FIBCD1: variants seen among roughly 807,000 people sequenced by gnomAD.
The protein encoded by FIBCD1 is fibrinogen C domain containing 1, also known as fibrinogen C domain-containing protein 1.
FIBCD1 carries 47 observed loss-of-function variants against 45.1 expected under a neutral mutation model. That is an observed-to-expected ratio of 1.04 (90% CI 0.82 to 1.33). The LOEUF (loss-of-function observed/expected upper bound fraction) is 1.33. Ranked by LOEUF, FIBCD1 falls within the 40% of genes most tolerant of loss-of-function variation. The probability of loss-of-function intolerance (pLI) is 0.00; values close to 1 mark genes in which losing one functional copy is unlikely to be tolerated. For synonymous variants in FIBCD1, 313 were observed against 308.1 expected, an observed-to-expected ratio of 1.02 and a Z score of -0.17; for missense variants, 653 against 682.2, an observed-to-expected ratio of 0.96 and a Z score of 0.48.
At chr9:130,921,743 C>G (rs1022695399) in intron 4 of FIBCD1, among the ~76,000 whole-genome samples, 3 of 152,252 alleles carry the variant, frequency 2.0e-5, no homozygotes, top group Non-Finnish European at 2.9e-5. Context: ...CCTCACTGTT[C>G]CGCCCGCCAA....
At chr9:130,910,580 G>A (rs1832019567) in intron 5 of FIBCD1, among the ~76,000 whole-genome samples, 1 of 152,272 alleles carries the variant, frequency 6.6e-6, no homozygotes, top group African/African-American at 2.4e-5. Flanking sequence ...AAGCTAGCTG[G>A]GCTCCTGAGT....
chr9:130,905,531 A>G, intron 5 of FIBCD1, 118 bp from the exon 6 acceptor site: 1 of 1,055,738 alleles, frequency 9.5e-7, no homozygotes. Flanking sequence ...GACAACCACC[A>G]AGTGCGTGCA....
In FIBCD1 at chr9:130,928,208, C is replaced by T. The variant is rs1832389109; in HGVS notation, c.552+1359G>A. On this transcript the variant is annotated intron_variant, in intron 2 of 6. Coordinates refer to ENST00000372338, the MANE Select transcript of FIBCD1 (RefSeq NM_032843.5). ...AGTAAATATGTCAGGTGAGCTGGCA[C>T]TCCTGGGCCCAGAAAGGCTGTTAGT... Among the ~76,000 whole-genome samples, 6 of 152,356 alleles carry T rather than the reference C, an allele frequency of 3.9e-5. No homozygotes were observed. In the South Asian group the frequency reaches 1.2e-3, roughly 32 times the overall value.
At chr9:130,910,624 T>C (rs555693003) in intron 5 of FIBCD1, among the ~76,000 whole-genome samples, 1 of 152,326 alleles carries the variant, frequency 6.6e-6, no homozygotes, top group South Asian at 2.1e-4. Flanking sequence ...TATGTCTAGC[T>C]CAGGGATTGT....
intron 4 of FIBCD1, among the ~76,000 whole-genome samples, chr9:130,921,668 C>T (rs1045268741): frequency 1.6e-4 from 24 of 152,348 alleles, no homozygotes; most frequent in African/African-American, 5.5e-4. Flanking sequence ...CCCGCTCCGG[C>T]GTCCTGATCT....
At chr9:130,905,205 C>T in intron 6 of FIBCD1, 29 bp downstream of exon 6, 1 of 1,597,050 alleles carries the variant, frequency 6.3e-7, no homozygotes. Context: ...CGCCCCCCTT[C>T]CCCATCCCTG....
intron 2 of FIBCD1, among the ~76,000 whole-genome samples, chr9:130,928,690 G>T (rs1443558879): frequency 1.3e-5 from 2 of 152,172 alleles, no homozygotes; most frequent in Non-Finnish European, 2.9e-5. Flanking sequence ...GCCCGTGGGG[G>T]CAGGGGCTTG....
chr9:130,918,853 TTCTC>T (rs1190936261), intron 4 of FIBCD1, among the ~76,000 whole-genome samples: 1 of 152,216 alleles, frequency 6.6e-6, no homozygotes, highest in Non-Finnish European at 1.5e-5. Flanking sequence ...CTGAGTCTGT[TTCTC>T]TCTGCATAAG....
chr9:130,904,758 A>G (rs1268179011), intron 6 of FIBCD1, among the ~76,000 whole-genome samples: 2 of 152,154 alleles, frequency 1.3e-5, no homozygotes, highest in African/African-American at 2.4e-5. Flanking sequence ...AAACGGGAAA[A>G]CAGTCCAGGC....
chr9:130,911,120 C>T (rs527533889), intron 5 of FIBCD1, among the ~76,000 whole-genome samples: 1 of 152,190 alleles, frequency 6.6e-6, no homozygotes, highest in African/African-American at 2.4e-5. Context: ...TTTGTTCTTT[C>T]ACTCTTTGGG....
rs78830446 is a variant in FIBCD1, at chr9:130,917,440, G to A, written c.850-5552C>T. On this transcript the variant is annotated intron_variant, in intron 4 of 6. Transcript: ENST00000372338. ...GGGCGGGTTCAAAGGAAGGAGTGAC[G>A]GCTCTGGACATGGAGGAAGGAGTGA... is the stretch of plus-strand genomic sequence containing the variant. 3.2e-4 allele frequency among the ~76,000 whole-genome samples: 48 copies of A among 152,020 alleles called. No individual in the cohort carries two copies. In the East Asian group the frequency reaches 8.7e-3, roughly 28 times the overall value.
intron 5 of FIBCD1, among the ~76,000 whole-genome samples, chr9:130,910,991 A>T (rs1461178088): frequency 6.6e-6 from 1 of 152,194 alleles, no homozygotes; most frequent in East Asian, 1.9e-4. Flanking sequence ...CCCTGTCAAA[A>T]CAGACCACTG....
intron 4 of FIBCD1, among the ~76,000 whole-genome samples, chr9:130,914,652 ATG>A (rs1290543280): frequency 2.0e-5 from 3 of 152,196 alleles, no homozygotes; most frequent in African/African-American, 7.2e-5. Flanking sequence ...ACCATCCAGA[ATG>A]AGAGCAAGAA....
In FIBCD1 at chr9:130,911,650, A is replaced by G. The variant is rs565978747; in HGVS notation, c.946+142T>C. On this transcript the variant is annotated intron_variant, in intron 5 of 6. Transcript: ENST00000372338. ...TTCTGAATGCCTGTCACCTTCATGC[A>G]TGACACCTGTGAGCTGGCTCAGGTG... 48 of 677,948 alleles carry G rather than the reference A, an allele frequency of 7.1e-5. No individual in the cohort carries two copies. In the East Asian group the frequency reaches 1.2e-3, roughly 17 times the overall value. The allele number at this position is 677,948 out of a possible 1,614,324, so 42.0% of individuals were successfully genotyped here. A position where few individuals can be genotyped will look rare whatever the true frequency, so the allele number is the denominator to read the frequency against.
At chr9:130,920,137 A>G (rs1270653515) in intron 4 of FIBCD1, among the ~76,000 whole-genome samples, 2 of 151,624 alleles carry the variant, frequency 1.3e-5, no homozygotes, top group East Asian at 3.9e-4. Context: ...CCAAGAAGGG[A>G]CGTGACCCTG....
At chr9:130,906,757 G>C (rs1005818390) in intron 5 of FIBCD1, among the ~76,000 whole-genome samples, 2 of 152,238 alleles carry the variant, frequency 1.3e-5, no homozygotes, top group African/African-American at 2.4e-5. Context: ...GACGGCACTC[G>C]CAAGGGCCCA....
intron 4 of FIBCD1, among the ~76,000 whole-genome samples, chr9:130,918,861 G>A (rs1222264273): frequency 6.6e-6 from 1 of 152,202 alleles, no homozygotes; most frequent in East Asian, 1.9e-4. Context: ...GTTTCTCTCT[G>A]CATAAGCCCG....
chr9:130,920,992 G>A (rs951854047), intron 4 of FIBCD1, among the ~76,000 whole-genome samples: 23 of 152,212 alleles, frequency 1.5e-4, no homozygotes, highest in Non-Finnish European at 2.2e-4. Flanking sequence ...GGGTGACCTC[G>A]GGCACATCCC....
At chr9:130,938,295 C>T (rs1302785458) in intron 1 of FIBCD1, 1 of 412,170 alleles carries the variant, frequency 2.4e-6, no homozygotes, top group East Asian at 4.1e-5. Flanking sequence ...GGTGCGGGGA[C>T]GCGGGAGACC....
Sources: allele counts gnomAD v4.1 joint callset (sites outside exome capture counted in the v4.1 genomes callset), GRCh38; gene constraint gnomAD v4.1.1; transcripts MANE v1.5; gene names NCBI Gene and HGNC (gene_info 2026-07-23, HGNC 2026-07-21).